The following NEK11 variants were observed in gnomAD, a reference collection of about 807,000 sequenced individuals.
NEK11 encodes serine/threonine-protein kinase Nek11.
NEK11 carries 72 observed loss-of-function variants against 80.7 expected under a neutral mutation model. That is an observed-to-expected ratio of 0.89 (90% CI 0.74 to 1.08). The LOEUF (loss-of-function observed/expected upper bound fraction) is 1.08, where lower values mean the gene tolerates loss of function less well. Among genes scored for constraint, NEK11 ranks in the 50% least tolerant of loss-of-function variants. The pLI is 0.00. For synonymous variants in NEK11, 251 were observed against 260.7 expected (o/e 0.96, Z 0.36); for missense variants, 764 against 763.6 (o/e 1.00, Z -0.01).
chr3:131,047,185 G>A (rs915210030), intron 3 of NEK11, among the ~76,000 whole-genome samples: 14 of 151,788 alleles, frequency 9.2e-5, no homozygotes, highest in Non-Finnish European at 2.9e-5. Context: ...TTCATATCTT[G>A]TATCATTTTT....
chr3:131,200,307 A>C (rs759204902), intron 14 of NEK11, among the ~76,000 whole-genome samples: 1 of 152,254 alleles, frequency 6.6e-6, no homozygotes, highest in African/African-American at 2.4e-5. Flanking sequence ...CACTCAGGAC[A>C]AAAATGTAAA....
intron 3 of NEK11, among the ~76,000 whole-genome samples, chr3:131,052,514 T>A (rs918872923): frequency 6.6e-6 from 1 of 152,182 alleles, no homozygotes; most frequent in Non-Finnish European, 1.5e-5. Flanking sequence ...TTTGAGAAGT[T>A]CTGCCATAAA....
At chr3:131,157,786 G>A (rs2090928074) in intron 10 of NEK11, among the ~76,000 whole-genome samples, 4 of 152,176 alleles carry the variant, frequency 2.6e-5, no homozygotes, top group Admixed American at 2.6e-4. Flanking sequence ...TGGGGGAATG[G>A]GTGAGTTGAA....
chr3:131,174,609 T>G (rs887699348), intron 14 of NEK11, among the ~76,000 whole-genome samples: 2 of 152,200 alleles, frequency 1.3e-5, no homozygotes, highest in African/African-American at 4.8e-5. Flanking sequence ...GTGAAAGTCA[T>G]GGGTAACCAT....
intron 14 of NEK11, among the ~76,000 whole-genome samples, chr3:131,191,672 AC>A (rs1211297274): frequency 2.0e-5 from 3 of 152,198 alleles, no homozygotes; most frequent in African/African-American, 7.2e-5. Flanking sequence ...TATTCTGCCT[AC>A]TACAAATACT....
At chr3:131,302,202 A>G (rs1277895661) in intron 17 of NEK11, among the ~76,000 whole-genome samples, 1 of 151,898 alleles carries the variant, frequency 6.6e-6, no homozygotes, top group South Asian at 2.1e-4. Flanking sequence ...GTTGGTGGTA[A>G]TGTCCGATTT....
intron 15 of NEK11, among the ~76,000 whole-genome samples, chr3:131,237,354 T>C (rs963289587): frequency 6.6e-6 from 1 of 152,098 alleles, no homozygotes; most frequent in South Asian, 2.1e-4. Context: ...CTTTTAGAAA[T>C]GCAACATAGA....
chr3:131,034,628 C>A (rs2065364254), intron 3 of NEK11, among the ~76,000 whole-genome samples: 1 of 152,154 alleles, frequency 6.6e-6, no homozygotes. Flanking sequence ...ACCTTGTGAT[C>A]CACTTGCCTG....
intron 11 of NEK11, among the ~76,000 whole-genome samples, chr3:131,163,247 A>G (rs764627996): frequency 8.5e-5 from 13 of 152,338 alleles, no homozygotes; most frequent in Middle Eastern, 3.4e-3. Context: ...ACTTATATCC[A>G]AAGAAAATGA....
At position 131,309,071 on chromosome 3, in the gene NEK11, C is replaced by T. The variant is rs561869703; in HGVS notation, c.1718+35497C>T. ...GCTGCTCACCTCCTGCTGTGTGGCC[C>T]GGTTCCTAACAGGCCATGGACTGGT... On this transcript the variant is annotated intron_variant, in intron 17 of 17. Transcript: ENST00000383366. 6.6e-5 allele frequency among the ~76,000 whole-genome samples: 10 copies of T among 152,234 alleles called. No individual in the cohort carries two copies. In the East Asian group the frequency reaches 9.7e-4, roughly 15 times the overall value.
intron 16 of NEK11, among the ~76,000 whole-genome samples, chr3:131,253,852 A>C (rs1218493639): frequency 6.6e-6 from 1 of 152,156 alleles, no homozygotes; most frequent in Non-Finnish European, 1.5e-5. Flanking sequence ...TAGCTATGTA[A>C]ACTTGATTAC....
intron 4 of NEK11, among the ~76,000 whole-genome samples, chr3:131,087,682 C>T (rs547697015): frequency 6.6e-6 from 1 of 152,164 alleles, no homozygotes; most frequent in African/African-American, 2.4e-5. Context: ...ACCAAGTAAG[C>T]GGGTTGAGTT....
intron 14 of NEK11, among the ~76,000 whole-genome samples, chr3:131,200,800 T>A (rs2094198310): frequency 6.6e-6 from 1 of 152,232 alleles, no homozygotes; most frequent in African/African-American, 2.4e-5. Context: ...TCTTTTTGGC[T>A]GCAGCACCCG....
chr3:131,196,736 T>C (rs2094025847), intron 14 of NEK11, among the ~76,000 whole-genome samples: 2 of 152,128 alleles, frequency 1.3e-5, no homozygotes, highest in Admixed American at 6.5e-5. Flanking sequence ...TTTCACCATA[T>C]TGGCCAGGCT....
intron 5 of NEK11, 57 bp from the exon 6 acceptor site, chr3:131,132,688 G>C (rs2084721385): frequency 2.3e-6 from 2 of 856,298 alleles, no homozygotes; most frequent in Admixed American, 5.0e-5. Context: ...TATTTACATG[G>C]GGATTTAAAA....
chr3:131,332,835 G>A (rs2097114512), intron 17 of NEK11, among the ~76,000 whole-genome samples: 1 of 152,226 alleles, frequency 6.6e-6, no homozygotes, highest in Non-Finnish European at 1.5e-5. Flanking sequence ...AGCCTCAGGA[G>A]CCGATGCAAT....
intron 5 of NEK11, among the ~76,000 whole-genome samples, chr3:131,112,908 A>G (rs1395081866): frequency 6.6e-6 from 1 of 152,064 alleles, no homozygotes; most frequent in Admixed American, 6.6e-5. Flanking sequence ...TAGACATTGA[A>G]CTCCACAAGA....
intron 17 of NEK11, among the ~76,000 whole-genome samples, chr3:131,288,570 A>C (rs1033397907): frequency 1.3e-5 from 2 of 150,482 alleles, no homozygotes; most frequent in African/African-American, 4.9e-5. Context: ...CTCCTGCCTC[A>C]GCCTCCTGAG....
At chr3:131,277,780 G>A (rs983254790) in intron 17 of NEK11, among the ~76,000 whole-genome samples, 2 of 152,192 alleles carry the variant, frequency 1.3e-5, no homozygotes, top group Non-Finnish European at 2.9e-5. Flanking sequence ...TGTGTCCTTG[G>A]ACAAGTTAAC....
Sources: allele counts gnomAD v4.1 joint callset (sites outside exome capture counted in the v4.1 genomes callset), GRCh38; gene constraint gnomAD v4.1.1; transcripts MANE v1.5; gene names NCBI Gene and HGNC (gene_info 2026-07-23, HGNC 2026-07-21).